Variants in BRD4 observed in about 807,000 individuals in gnomAD.
BRD4 encodes the protein bromodomain containing 4.
BRD4 carries 16 observed loss-of-function variants against 142.1 expected under a neutral mutation model. The observed-to-expected ratio is 0.11, with a 90% CI of 0.08 to 0.17. The LOEUF is 0.17. BRD4 is among the 10% of genes least tolerant of loss of function. The probability of loss-of-function intolerance (pLI) is 1.00; values close to 1 mark genes in which losing one functional copy is unlikely to be tolerated. For synonymous variants in BRD4, 833 were observed against 707.5 expected, an observed-to-expected ratio of 1.18 and a Z score of -2.82; for missense variants, 1,424 against 1,810.9, an observed-to-expected ratio of 0.79 and a Z score of 3.88.
intron 11 of BRD4, chr19:15,253,536 G>A (rs1156649737): frequency 2.6e-6 from 4 of 1,539,060 alleles, no homozygotes; most frequent in Non-Finnish European, 3.5e-6. Flanking sequence ...AAGTCCAGGT[G>A]CGTGTGGAGT....
intron 1 of BRD4, among the ~76,000 whole-genome samples, chr19:15,320,856 T>G (rs1025345296): frequency 6.6e-6 from 1 of 152,268 alleles, no homozygotes; most frequent in Non-Finnish European, 1.5e-5. Context: ...TTCCACTAAT[T>G]CTGGTTTACA....
chr19:15,263,302 T>C (rs1345416701), intron 7 of BRD4, 118 bp downstream of exon 7: 16 of 1,288,896 alleles, frequency 1.2e-5, no homozygotes, highest in Non-Finnish European at 1.6e-5. Flanking sequence ...TAAAGCAACA[T>C]GGCATTATCC....
intron 1 of BRD4, among the ~76,000 whole-genome samples, chr19:15,322,983 GAGCTTTC>G (rs1232746078): frequency 1.3e-5 from 2 of 151,350 alleles, no homozygotes; most frequent in African/African-American, 4.9e-5. Context: ...CTGGGAGGTG[GAGCTTTC>G]AGTGAGCTGA....
intron 1 of BRD4, among the ~76,000 whole-genome samples, chr19:15,318,931 C>G (rs2048038670): frequency 1.3e-5 from 2 of 152,216 alleles, no homozygotes; most frequent in Non-Finnish European, 2.9e-5. Flanking sequence ...GACACGTTAC[C>G]TGACAACTCT....
intron 1 of BRD4, among the ~76,000 whole-genome samples, chr19:15,317,154 A>G (rs761006736): frequency 6.6e-6 from 1 of 152,156 alleles, no homozygotes; most frequent in Non-Finnish European, 1.5e-5. Context: ...TGACCCTGCA[A>G]CCCTGCCCAA....
chr19:15,269,975 A>AG (rs1376734441), intron 2 of BRD4, among the ~76,000 whole-genome samples: 4 of 152,268 alleles, frequency 2.6e-5, no homozygotes, highest in Non-Finnish European at 4.4e-5. Flanking sequence ...AGGGCCAGGC[A>AG]GGGGGCTGCA....
chr19:15,315,558 A>AAGC (rs2048009700), intron 1 of BRD4, among the ~76,000 whole-genome samples: 1 of 152,172 alleles, frequency 6.6e-6, no homozygotes, highest in East Asian at 1.9e-4. Flanking sequence ...ACCCTACAGT[A>AAGC]AGCAGCACTT....
chr19:15,243,090 A>T lies in BRD4; in HGVS notation c.2979T>A (p.Pro993=). Reference sequence around the variant, plus strand: ...TGGGCTGCAAGTGCACGGGCCGTGGAGGGGGCTGATGCTGCTGCTGGGGTG... The same window carrying T: ...TGGGCTGCAAGTGCACGGGCCGTGGTGGGGGCTGATGCTGCTGCTGGGGTG... The part of the protein sequence containing the change: ...QPPPQQQHQP[P]PRPVHLQPMQ... Residue 993 remains proline, a synonymous_variant, in exon 14 of 20, where the codon CCT becomes CCA. Transcript: ENST00000679869. 1 of 1,211,340 alleles carries T rather than the reference A, an allele frequency of 8.3e-7. No individual in the cohort carries two copies. The highest frequency in any genetic ancestry group is 1.1e-6 in the Non-Finnish European group (1 of 945,668). The allele number at this position is 1,211,340 out of a possible 1,614,324, so 75.0% of individuals were successfully genotyped here.
At chr19:15,306,400 C>G (rs2047914150) in intron 1 of BRD4, among the ~76,000 whole-genome samples, 2 of 152,186 alleles carry the variant, frequency 1.3e-5, no homozygotes, top group South Asian at 4.1e-4. Context: ...TCCCAAGTAG[C>G]TGGGACCACA....
chr19:15,264,627 G>C lies in BRD4; in HGVS notation c.989C>G (p.Pro330Arg). The C allele has an allele frequency of 6.2e-7, 1 of 1,614,080 alleles. No individual in the cohort carries two copies. The highest frequency in any genetic ancestry group is 8.5e-7 in the Non-Finnish European group (1 of 1,180,014). ...AGAGTCGGGCACGTCCTTCTTTGGA[G>C]GTTTCACAGGCCGGCTGCTCTCCCG... ...QRRESSRPVK[P>R]PKKDVPDSQQ... Residue 330 changes from proline (P) to arginine (R), a missense_variant, in exon 6 of 20, where the codon CCT becomes CGT. Coordinates refer to ENST00000679869, the MANE Select transcript of BRD4 (RefSeq NM_001379291.1).
Position 15,244,529 on chromosome 19 carries a change from GGGAGGCGGGGGCGGCTGCTGGGGCACA to G in BRD4, c.2256_2282del (p.Val753_Pro761del), listed in dbSNP as rs769010052. ...GAGGTGGAGGCGGTGGGGGCTGCTG[GGGAGGCGGGGGCGGCTGCTGGGGCACA>G]GGAGCCGGGGCCTGCTGCATCTGCT... On this transcript the variant is annotated inframe_deletion, in exon 13 of 20. Coordinates refer to ENST00000679869, the MANE Select transcript of BRD4 (RefSeq NM_001379291.1). 3 of 1,568,284 alleles carry G rather than the reference GGGAGGCGGGGGCGGCTGCTGGGGCACA, an allele frequency of 1.9e-6. No homozygotes were observed. Among genetic ancestry groups the G allele is most frequent in the Non-Finnish European group, 1.7e-6 (2 of 1,163,710 alleles).
In BRD4 at chr19:15,332,006, G is replaced by A. The variant is rs187359098; in HGVS notation, c.-35+284C>T. 1,139 of 103,638 alleles carry A rather than the reference G, an allele frequency of 0.011. 74 individuals carry two copies. The East Asian group carries it at 0.21, about 19-fold the overall frequency. 6.4% of individuals were successfully genotyped at this position (103,638 alleles called of 1,614,324 possible). On this transcript the variant is annotated intron_variant, in intron 1 of 19. Coordinates refer to ENST00000679869, the MANE Select transcript of BRD4 (RefSeq NM_001379291.1). The stretch of plus-strand genomic sequence containing the variant: ...CCGCGCCCCCCACCCGCGCCCCGCC[G>A]GCCAGCCCAAGCCCGGGTCCGACGG...
chr19:15,306,390 TC>T (rs2047914027), intron 1 of BRD4, among the ~76,000 whole-genome samples: 1 of 152,150 alleles, frequency 6.6e-6, no homozygotes, highest in Non-Finnish European at 1.5e-5. Context: ...CATCTCAGCC[TC>T]CCAAGTAGCT....
At chr19:15,304,145 A>T (rs550777774) in intron 1 of BRD4, among the ~76,000 whole-genome samples, 1 of 151,882 alleles carries the variant, frequency 6.6e-6, no homozygotes, top group South Asian at 2.1e-4. Flanking sequence ...ATCCCAACCC[A>T]CTCTATTCTT....
At chr19:15,289,677 G>GA (rs1188740404) in intron 1 of BRD4, among the ~76,000 whole-genome samples, 1,998 of 142,312 alleles carry the variant, frequency 0.014, 44 homozygotes, top group African/African-American at 0.047. Context: ...AAAAAAAAAA[G>GA]AAAAAAAAAA....
At chr19:15,249,977 C>T (rs2047327228) in intron 11 of BRD4, among the ~76,000 whole-genome samples, 1 of 152,170 alleles carries the variant, frequency 6.6e-6, no homozygotes, top group Admixed American at 6.5e-5. Flanking sequence ...CTTGTCCTTT[C>T]TTTCCTTTTT....
At chr19:15,245,505 C>A (rs567625606) in intron 11 of BRD4, among the ~76,000 whole-genome samples, 1 of 152,272 alleles carries the variant, frequency 6.6e-6, no homozygotes, top group African/African-American at 2.4e-5. Flanking sequence ...CAGCATACGC[C>A]CCCACTCGTG....
intron 1 of BRD4, among the ~76,000 whole-genome samples, chr19:15,291,121 A>G (rs1298940464): frequency 2.0e-5 from 3 of 152,146 alleles, no homozygotes; most frequent in Non-Finnish European, 4.4e-5. Context: ...ACATGTGTCT[A>G]CTGGGCCTGC....
At chr19:15,332,020 C>T (rs1164790996) in intron 1 of BRD4, 4 of 143,458 alleles carry the variant, frequency 2.8e-5, no homozygotes, top group East Asian at 2.1e-4. Context: ...AGCCCAAGCC[C>T]GGGTCCGACG....
Sources: gnomAD v4.1 joint callset for allele counts (sites outside exome capture counted in the v4.1 genomes callset) on GRCh38, gnomAD v4.1.1 for gene constraint, MANE v1.5 for transcripts, NCBI Gene and HGNC (gene_info 2026-07-23, HGNC 2026-07-21) for gene names.